Variants in CLCA4 observed in about 807,000 individuals in gnomAD.
CLCA4 encodes the protein calcium-activated chloride channel regulator 4.
CLCA4 carries 69 observed loss-of-function variants against 78.9 expected under a neutral mutation model. The observed-to-expected ratio is 0.87, with a 90% CI of 0.72 to 1.07. The LOEUF is 1.07. CLCA4 is among the 50% of genes least tolerant of loss of function. The pLI, the probability that CLCA4 is intolerant of heterozygous loss-of-function variation, is 0.00. For synonymous variants in CLCA4, 362 were observed against 375.8 expected (o/e 0.96, Z 0.42); for missense variants, 1,133 against 1,095.8 (o/e 1.03, Z -0.48).
At chr1:86,573,970 G>A (rs1458049468) in intron 9 of CLCA4, among the ~76,000 whole-genome samples, 1 of 152,074 alleles carries the variant, frequency 6.6e-6, no homozygotes, top group Non-Finnish European at 1.5e-5. Context: ...TAATGCCTAT[G>A]TTAATCTACT....
intron 9 of CLCA4, chr1:86,573,001 A>G (rs1650399713): frequency 2.9e-6 from 1 of 348,898 alleles, no homozygotes; most frequent in South Asian, 3.1e-5. Flanking sequence ...ATTTTTCACC[A>G]AAAATGGACC....
chr1:86,575,366 C>G lies in CLCA4; in HGVS notation c.1718C>G (p.Ala573Gly). The G allele has an allele frequency of 1.9e-6, 3 of 1,613,086 alleles. No homozygotes were observed. Among genetic ancestry groups the G allele is most frequent in the Non-Finnish European group, 2.5e-6 (3 of 1,179,354 alleles). ...TGGGCATACAATCTTCAAGCCAAAG[C>G]GAACCCAGAAACATTAACTATTACA... ...GTWAYNLQAKANPETLTITVT... is the reference protein window; with the variant it reads ...GTWAYNLQAKGNPETLTITVT... Residue 573 changes from alanine (A) to glycine (G), a missense_variant, in exon 11 of 14, where the codon GCG becomes GGG. Transcript: ENST00000370563.
At chr1:86,561,475 C>T (rs1394914353) in intron 3 of CLCA4, among the ~76,000 whole-genome samples, 1 of 152,176 alleles carries the variant, frequency 6.6e-6, no homozygotes, top group African/African-American at 2.4e-5. Flanking sequence ...TAACAACACA[C>T]TTTCCAAGCT....
At chr1:86,575,643 C>A in intron 11 of CLCA4, 44 bp downstream of exon 11, 1 of 1,567,466 alleles carries the variant, frequency 6.4e-7, no homozygotes, top group East Asian at 2.2e-5. Flanking sequence ...TTTCCTAATT[C>A]AGCATGTTGT....
At position 86,565,425 on chromosome 1, in the gene CLCA4, A is replaced by G. The variant is rs1309246431; in HGVS notation, c.709A>G (p.Ile237Val). ...TAAAGTACAAACAGAAAAAGCATCC[A>G]TAATGTTTATGCAAAGTATTGATTC... is the stretch of plus-strand genomic sequence containing the variant. ...PDKVQTEKASIMFMQSIDSVV... is the reference protein window; with the variant it reads ...PDKVQTEKASVMFMQSIDSVV... The change falls in exon 5 of 14, where the codon ATA (isoleucine) becomes GTA (valine). Residue 237 changes from isoleucine (I) to valine (V), a missense_variant. Coordinates refer to ENST00000370563, the MANE Select transcript of CLCA4 (RefSeq NM_012128.4). 1 of 1,598,880 alleles carries G rather than the reference A, an allele frequency of 6.3e-7. No homozygotes were observed. The highest frequency in any genetic ancestry group is 1.1e-5 in the South Asian group (1 of 88,360).
At chr1:86,564,332 G>A (rs1226507033) in intron 4 of CLCA4, among the ~76,000 whole-genome samples, 7 of 152,118 alleles carry the variant, frequency 4.6e-5, no homozygotes, top group East Asian at 1.9e-4. Flanking sequence ...CTGCTGGGGC[G>A]TGGGACTTGA....
At chr1:86,573,539 T>C (rs1650416502) in intron 9 of CLCA4, among the ~76,000 whole-genome samples, 1 of 151,166 alleles carries the variant, frequency 6.6e-6, no homozygotes, top group African/African-American at 2.4e-5. Context: ...CCATGATCCC[T>C]AAACAAATCT....
chr1:86,574,461 C>A (rs890452540), intron 9 of CLCA4, 79 bp from the exon 10 acceptor site: 6 of 1,188,318 alleles, frequency 5.0e-6, no homozygotes, highest in Non-Finnish European at 7.3e-6. Context: ...GTTCTCAGGC[C>A]AGAAATTAAA....
rs1650446807 is a variant in CLCA4, at chr1:86,574,410, G to A, written c.1468-130G>A. On this transcript the variant is annotated intron_variant, in intron 9 of 13. Transcript: ENST00000370563. The stretch of plus-strand genomic sequence containing the variant: ...ACTGTCATATCATCACCAGCTTGCA[G>A]AGAGATCACAAGTCTAAGGTGGTCT... The A allele has an allele frequency of 6.1e-6, 4 of 651,784 alleles. No homozygotes were observed. The South Asian group carries it at 7.9e-5, about 13-fold the overall frequency. 40.4% of individuals were successfully genotyped at this position (651,784 alleles called of 1,614,324 possible).
intron 1 of CLCA4, among the ~76,000 whole-genome samples, chr1:86,558,968 C>T (rs1374582703): frequency 6.6e-6 from 1 of 151,960 alleles, no homozygotes; most frequent in East Asian, 1.9e-4. Flanking sequence ...CTCTAGCTGC[C>T]TTTAACACTC....
rs774954695 is a variant in CLCA4 at position 86,567,553 on chromosome 1, A to AT, written c.1085dup (p.Ser364LysfsTer3). On this transcript the variant is annotated frameshift_variant, in exon 7 of 14. Coordinates refer to ENST00000370563, the MANE Select transcript of CLCA4 (RefSeq NM_012128.4). LOFTEE classifies it high-confidence loss of function. ...CACTATTGTAAATAAGCTAATCCAA[A>AT]TAAAAAGCAGTGATGAAAGAAACAC... The AT allele has an allele frequency of 2.5e-6, 4 of 1,613,300 alleles. No individual in the cohort carries two copies. In the African/African-American group the frequency reaches 5.3e-5, roughly 22 times the overall value.
At chr1:86,557,835 C>T (rs1649897924) in intron 1 of CLCA4, among the ~76,000 whole-genome samples, 1 of 152,078 alleles carries the variant, frequency 6.6e-6, no homozygotes, top group Admixed American at 6.5e-5. Context: ...CTTTTTACGT[C>T]TCTAAGAACT....
chr1:86,579,654 A>AT, intron 13 of CLCA4, 67 bp downstream of exon 13: 1 of 603,664 alleles, frequency 1.7e-6, no homozygotes, highest in Non-Finnish European at 3.2e-6. Context: ...CAGGGGTGTA[A>AT]GGGTGGGTGG....
Position 86,563,787 on chromosome 1 carries a change from T to C in CLCA4, c.557+18T>C. 1 of 1,389,336 alleles carries C rather than the reference T, an allele frequency of 7.2e-7. No homozygotes were observed. The highest frequency in any genetic ancestry group is 1.8e-5 in the Admixed American group (1 of 54,256). The allele number at this position is 1,389,336 out of a possible 1,614,324, so 86.1% of individuals were successfully genotyped here. ...GCAACAAGGCATGGCTATTTAAATT[T>C]TCTAAACTGACTTCAGGCTTTTATC... On this transcript the variant is annotated intron_variant, in intron 4 of 13. Coordinates refer to ENST00000370563, the MANE Select transcript of CLCA4 (RefSeq NM_012128.4).
intron 1 of CLCA4, among the ~76,000 whole-genome samples, chr1:86,558,984 T>C (rs951278760): frequency 6.6e-6 from 1 of 152,036 alleles, no homozygotes; most frequent in Non-Finnish European, 1.5e-5. Flanking sequence ...CACTCTTTTT[T>C]TTTTTTTCAT....
chr1:86,572,544 G>C, intron 8 of CLCA4, 70 bp from the exon 9 acceptor site: 1 of 909,296 alleles, frequency 1.1e-6, no homozygotes, highest in South Asian at 1.4e-5. Flanking sequence ...TTAACTATTA[G>C]CTTAATAATC....
chr1:86,561,022 C>T (rs900233910), intron 3 of CLCA4, among the ~76,000 whole-genome samples: 1 of 152,198 alleles, frequency 6.6e-6, no homozygotes, highest in Non-Finnish European at 1.5e-5. Flanking sequence ...AAATGGGAAC[C>T]TTGCTGAATC....
intron 11 of CLCA4, 90 bp downstream of exon 11, chr1:86,575,689 A>C: frequency 8.6e-7 from 1 of 1,166,432 alleles, no homozygotes; most frequent in Non-Finnish European, 1.2e-6. Context: ...TAAGACAGGC[A>C]ACAGAATTGA....
At chr1:86,571,314 C>A in intron 8 of CLCA4, 60 bp downstream of exon 8, 1 of 1,483,778 alleles carries the variant, frequency 6.7e-7, no homozygotes, top group Non-Finnish European at 9.2e-7. Context: ...TAAAGGCTGA[C>A]AGTTCAACAA....
Sources: gnomAD v4.1 joint callset for allele counts (sites outside exome capture counted in the v4.1 genomes callset) on GRCh38, gnomAD v4.1.1 for gene constraint, MANE v1.5 for transcripts, NCBI Gene and HGNC (gene_info 2026-07-23, HGNC 2026-07-21) for gene names.